Variants in PSD2 observed in about 807,000 individuals in gnomAD.
PSD2 encodes the protein PH and SEC7 domain-containing protein 2.
In PSD2, 38 loss-of-function variants were observed where a neutral mutation model predicts 69.8. The ratio of observed to expected loss-of-function variants is 0.54; its 90% CI spans 0.42 to 0.71. PSD2 has a LOEUF of 0.71. Among genes scored for constraint, PSD2 ranks in the 30% least tolerant of loss-of-function variants. The pLI is 0.00. For missense variants in PSD2, 943 were observed against 1,014.5 expected, an observed-to-expected ratio of 0.93 and a Z score of 0.96; for synonymous variants, 412 against 423.0, an observed-to-expected ratio of 0.97 and a Z score of 0.32.
the PSD2 span, among the ~76,000 whole-genome samples, chr5:139,788,182 C>T: frequency 3.0e-4 from 45 of 151,792 alleles, no homozygotes; most frequent in East Asian, 9.8e-4. Flanking sequence ...CCCCCGCGCC[C>T]CCCCCCGAAC....
At chr5:139,772,175 G>A in the PSD2 span, among the ~76,000 whole-genome samples, 10 of 152,136 alleles carry the variant, frequency 6.6e-5, no homozygotes, top group Non-Finnish European at 1.3e-4. Flanking sequence ...AGGAAAAAGC[G>A]TCCCCAGACT....
At chr5:139,841,900 C>T (rs1327782184) in intron 14 of PSD2, among the ~76,000 whole-genome samples, 1 of 152,198 alleles carries the variant, frequency 6.6e-6, no homozygotes, top group African/African-American at 2.4e-5. Flanking sequence ...ATACAAGACC[C>T]TTATCAGATA....
the PSD2 span, among the ~76,000 whole-genome samples, chr5:139,761,284 A>G: frequency 2.0e-5 from 3 of 152,188 alleles, no homozygotes; most frequent in Non-Finnish European, 4.4e-5. Context: ...CACTTGCTCA[A>G]TGTCACTATG....
chr5:139,785,908 G>A, the PSD2 span, among the ~76,000 whole-genome samples: 1 of 152,190 alleles, frequency 6.6e-6, no homozygotes, highest in African/African-American at 2.4e-5. Flanking sequence ...GGGCAATGCA[G>A]GGAGACCTTG....
the PSD2 span, among the ~76,000 whole-genome samples, chr5:139,743,551 T>C: frequency 5.9e-5 from 9 of 152,190 alleles, no homozygotes; most frequent in African/African-American, 2.2e-4. Context: ...TGTGACTGTT[T>C]ATGTCTTTTT....
At chr5:139,830,616 T>TTC (rs1760566096) in intron 7 of PSD2, among the ~76,000 whole-genome samples, 14 of 90,456 alleles carry the variant, frequency 1.5e-4, no homozygotes, top group African/African-American at 5.4e-4. Flanking sequence ...TTCTCTTTCT[T>TTC]TCTTTCTTTC....
chr5:139,765,975 T>C, the PSD2 span, among the ~76,000 whole-genome samples: 1 of 152,142 alleles, frequency 6.6e-6, no homozygotes, highest in African/African-American at 2.4e-5. Flanking sequence ...CCTGTCCTCC[T>C]TTTTTGGGCC....
chr5:139,793,855 G>A (rs1759462051), upstream of PSD2, among the ~76,000 whole-genome samples: 1 of 152,192 alleles, frequency 6.6e-6, no homozygotes. Context: ...CACAAAGAGG[G>A]GGACTGCTAC....
At chr5:139,841,001 C>T (rs192944767) in intron 14 of PSD2, among the ~76,000 whole-genome samples, 378 of 152,152 alleles carry the variant, frequency 2.5e-3, no homozygotes, top group Middle Eastern at 0.014. Context: ...CAATTCTTTC[C>T]TCTTCCCAAA....
intron 1 of PSD2, among the ~76,000 whole-genome samples, chr5:139,796,391 G>A (rs1354455586): frequency 6.6e-6 from 1 of 152,224 alleles, no homozygotes; most frequent in African/African-American, 2.4e-5. Context: ...CGGGGATCGG[G>A]GCATTGGGTA....
At chr5:139,773,293 G>A in the PSD2 span, among the ~76,000 whole-genome samples, 1 of 151,710 alleles carries the variant, frequency 6.6e-6, no homozygotes, top group Non-Finnish European at 1.5e-5. Context: ...ATTGGGTCTC[G>A]CTTTTGTCAC....
At chr5:139,754,082 C>T in the PSD2 span, among the ~76,000 whole-genome samples, 2 of 152,154 alleles carry the variant, frequency 1.3e-5, no homozygotes, top group East Asian at 3.9e-4. Flanking sequence ...GTGATCCACC[C>T]GTCTTGGCCT....
chr5:139,763,426 A>C, the PSD2 span, among the ~76,000 whole-genome samples: 5 of 152,182 alleles, frequency 3.3e-5, no homozygotes, highest in Non-Finnish European at 7.3e-5. Context: ...CTGGGTTCCC[A>C]ATCAGGCAGA....
chr5:139,808,850 T>C (rs1446008870), intron 1 of PSD2, among the ~76,000 whole-genome samples: 1 of 152,212 alleles, frequency 6.6e-6, no homozygotes, highest in Middle Eastern at 3.2e-3. Flanking sequence ...TTAGGCTGCG[T>C]CTGTTGACTT....
the PSD2 span, among the ~76,000 whole-genome samples, chr5:139,775,773 A>G: frequency 6.6e-6 from 1 of 152,122 alleles, no homozygotes; most frequent in African/African-American, 2.4e-5. Context: ...GGTTCAAGCG[A>G]TTCTCCTGCC....
chr5:139,752,238 C>T, the PSD2 span, among the ~76,000 whole-genome samples: 1 of 152,136 alleles, frequency 6.6e-6, no homozygotes, highest in East Asian at 1.9e-4. Flanking sequence ...TCTCTCTCTG[C>T]CGGCCCATAA....
intron 7 of PSD2, among the ~76,000 whole-genome samples, chr5:139,830,092 G>A (rs1231096197): frequency 6.6e-6 from 1 of 150,422 alleles, no homozygotes; most frequent in African/African-American, 2.4e-5. Flanking sequence ...ATCTCATTGT[G>A]GTTTGGATTT....
the PSD2 span, among the ~76,000 whole-genome samples, chr5:139,779,367 T>G: frequency 1.1e-4 from 16 of 152,222 alleles, no homozygotes; most frequent in South Asian, 2.1e-4. Flanking sequence ...CCCCGGGTTT[T>G]CTAATTTATT....
upstream of PSD2, among the ~76,000 whole-genome samples, chr5:139,795,560 G>A (rs1042067620): frequency 5.9e-5 from 9 of 152,032 alleles, no homozygotes; most frequent in African/African-American, 1.9e-4. This position sits in a 1 kb window ranked among gnomAD's most constrained non-coding sequence, Gnocchi z 4.5. Context: ...AACCCCGGGC[G>A]CTCCCCTCCC....
Sources: gnomAD v4.1 joint callset for allele counts (sites outside exome capture counted in the v4.1 genomes callset) on GRCh38, gnomAD v4.1.1 for gene constraint, Gnocchi (gnomAD v3.1) non-coding constraint, MANE v1.5 for transcripts, NCBI Gene and HGNC (gene_info 2026-07-23, HGNC 2026-07-21) for gene names.